Variants in PCOLCE2 observed in about 807,000 individuals in gnomAD.
PCOLCE2 encodes the protein procollagen C-endopeptidase enhancer 2, also known as procollagen C-proteinase enhancer 2.
A neutral mutation model predicts 47.0 loss-of-function variants in PCOLCE2; 42 were observed. That is an observed-to-expected ratio of 0.89 (90% CI 0.70 to 1.16). PCOLCE2 has a LOEUF of 1.16. Ranked by LOEUF, PCOLCE2 falls within the 50% of genes most tolerant of loss-of-function variation. PCOLCE2 has a pLI of 0.00. For missense variants in PCOLCE2, 500 were observed against 526.1 expected (o/e 0.95, Z 0.49); for synonymous variants, 169 against 191.7 (o/e 0.88, Z 0.98).
At chr3:142,844,157 A>C (rs978563077) in intron 3 of PCOLCE2, among the ~76,000 whole-genome samples, 1 of 152,146 alleles carries the variant, frequency 6.6e-6, no homozygotes, top group African/African-American at 2.4e-5. Flanking sequence ...AAATGGATAT[A>C]CCTGTGTAAA....
Position 142,829,622 on chromosome 3 carries a change from TTTC to T in PCOLCE2, c.865+67_865+69del, listed in dbSNP as rs142180300. On this transcript the variant is annotated intron_variant, in intron 6 of 8. Transcript: ENST00000295992. Reference sequence around the variant, plus strand: ...TTTCAAGTATCTTCCTCTTATTTTTTTTCTACTTTAAAAGAATTCTTCTTATAC... The same window carrying T: ...TTTCAAGTATCTTCCTCTTATTTTTTTACTTTAAAAGAATTCTTCTTATAC... 6,472 of 1,178,082 alleles carry T rather than the reference TTTC, an allele frequency of 5.5e-3. 240 individuals are homozygous for T. In the African/African-American group the frequency reaches 0.081, roughly 15 times the overall value. 73.0% of individuals were successfully genotyped at this position (1,178,082 alleles called of 1,614,324 possible). A position where few individuals can be genotyped will look rare whatever the true frequency, so the allele number is the denominator to read the frequency against.
At chr3:142,848,004 T>C (rs116710084) in intron 3 of PCOLCE2, among the ~76,000 whole-genome samples, 1,903 of 152,344 alleles carry the variant, frequency 0.012, 36 homozygotes, top group African/African-American at 0.043. Context: ...AAGCTCCACA[T>C]TTTTACTCTA....
At chr3:142,820,233 G>A (rs1936998319) in intron 8 of PCOLCE2, among the ~76,000 whole-genome samples, 1 of 152,012 alleles carries the variant, frequency 6.6e-6, no homozygotes, top group African/African-American at 2.4e-5. Flanking sequence ...GAGCTACTGT[G>A]TCTGGCTGGA....
chr3:142,846,687 T>C (rs1232052310), intron 3 of PCOLCE2: 1 of 152,252 alleles, frequency 6.6e-6, no homozygotes, highest in Non-Finnish European at 1.5e-5. Flanking sequence ...TTTCTTCAGA[T>C]TGAGTAATTT....
chr3:142,872,637 A>T (rs1333234552), intron 2 of PCOLCE2, among the ~76,000 whole-genome samples: 1 of 152,208 alleles, frequency 6.6e-6, no homozygotes, highest in Non-Finnish European at 1.5e-5. Flanking sequence ...TGTTGCATCC[A>T]TAACAGGTGT....
chr3:142,881,408 CTAT>C (rs1933617593), intron 2 of PCOLCE2, among the ~76,000 whole-genome samples: 1 of 152,054 alleles, frequency 6.6e-6, no homozygotes, highest in South Asian at 2.1e-4. Flanking sequence ...ACTATATATA[CTAT>C]TATTATTTTT....
intron 7 of PCOLCE2, among the ~76,000 whole-genome samples, chr3:142,821,625 C>G (rs1451219047): frequency 6.6e-6 from 1 of 151,902 alleles, no homozygotes; most frequent in Non-Finnish European, 1.5e-5. Context: ...CTTTCATATT[C>G]TCTTTCTTAT....
At chr3:142,869,382 G>T (rs6773151) in intron 2 of PCOLCE2, among the ~76,000 whole-genome samples, 17,038 of 151,860 alleles carry the variant, frequency 0.11, 1,504 homozygotes, top group African/African-American at 0.25. Flanking sequence ...TAACAGGTCC[G>T]GAAAGAAATC....
At chr3:142,888,137 G>GA (rs576471818) in intron 1 of PCOLCE2, among the ~76,000 whole-genome samples, 10 of 152,332 alleles carry the variant, frequency 6.6e-5, no homozygotes, top group Admixed American at 4.6e-4. Context: ...TGGTTTTAAA[G>GA]AAAGACAGGC....
intron 2 of PCOLCE2, among the ~76,000 whole-genome samples, chr3:142,883,198 CAAAAAAAAAAAAA>C (rs750569279): frequency 1.4e-5 from 1 of 71,898 alleles, no homozygotes; most frequent in Admixed American, 1.8e-4. Context: ...GACTCCGTCT[CAAAAAAAAAAAAA>C]AAAAAAAAGG....
At chr3:142,854,814 T>C (rs138637167) in intron 2 of PCOLCE2, among the ~76,000 whole-genome samples, 27 of 152,342 alleles carry the variant, frequency 1.8e-4, no homozygotes, top group Non-Finnish European at 1.3e-4. Context: ...CTATGCACTA[T>C]ATACGTATCA....
chr3:142,883,779 A>T (rs1933670628), intron 2 of PCOLCE2, among the ~76,000 whole-genome samples: 1 of 152,214 alleles, frequency 6.6e-6, no homozygotes, highest in Non-Finnish European at 1.5e-5. Context: ...AAAATGAACA[A>T]GTTATGAATG....
intron 5 of PCOLCE2, 117 bp from the exon 6 acceptor site, chr3:142,829,963 T>A: frequency 5.3e-6 from 3 of 562,934 alleles, no homozygotes; most frequent in Non-Finnish European, 6.1e-6. Context: ...TGTTTAAACT[T>A]AAAAGTTAAA....
intron 2 of PCOLCE2, among the ~76,000 whole-genome samples, chr3:142,857,983 G>A (rs1310379435): frequency 6.6e-6 from 1 of 152,204 alleles, no homozygotes; most frequent in Non-Finnish European, 1.5e-5. Flanking sequence ...CCTCTGTGAG[G>A]TCGTATGTAA....
intron 6 of PCOLCE2, among the ~76,000 whole-genome samples, chr3:142,825,051 A>G (rs28572271): frequency 1.3e-5 from 2 of 152,182 alleles, no homozygotes; most frequent in Non-Finnish European, 2.9e-5. Context: ...ATGCATTTTT[A>G]AAAAAGGGAG....
chr3:142,838,725 T>G, intron 5 of PCOLCE2, 45 bp downstream of exon 5: 2 of 1,550,072 alleles, frequency 1.3e-6, no homozygotes. Context: ...AAGAAACAAG[T>G]TTAGAGCCAT....
chr3:142,884,657 G>A (rs1280451158), intron 2 of PCOLCE2, among the ~76,000 whole-genome samples: 1 of 152,174 alleles, frequency 6.6e-6, no homozygotes, highest in Non-Finnish European at 1.5e-5. Flanking sequence ...TGGTGATAAA[G>A]CTGAGTCAAG....
intron 7 of PCOLCE2, among the ~76,000 whole-genome samples, chr3:142,821,818 ATGT>A (rs1269654055): frequency 6.6e-6 from 1 of 151,794 alleles, no homozygotes; most frequent in East Asian, 1.9e-4. Context: ...AGAAGGAAAG[ATGT>A]TGTCTTTCTC....
At chr3:142,843,137 G>T in intron 3 of PCOLCE2, 89 bp from the exon 4 acceptor site, 1 of 1,328,478 alleles carries the variant, frequency 7.5e-7, no homozygotes, top group Non-Finnish European at 1.1e-6. Context: ...TGGGATCTTT[G>T]GTGAGAGTAC....
Sources: gnomAD v4.1 joint callset for allele counts (sites outside exome capture counted in the v4.1 genomes callset) on GRCh38, gnomAD v4.1.1 for gene constraint, MANE v1.5 for transcripts, NCBI Gene and HGNC (gene_info 2026-07-23, HGNC 2026-07-21) for gene names.